WDR7: variants seen among roughly 807,000 people sequenced by gnomAD.
WDR7 encodes WD repeat-containing protein 7.
Under a neutral mutation model 169.4 loss-of-function variants are expected in WDR7, and 46 were observed. The observed-to-expected ratio is 0.27, with a 90% CI of 0.21 to 0.35. WDR7 has a LOEUF of 0.35. Ranked by LOEUF, WDR7 falls within the 10% of genes least tolerant of loss-of-function variation. The probability of loss-of-function intolerance (pLI) is 1.00; values close to 1 mark genes in which losing one functional copy is unlikely to be tolerated. For synonymous variants in WDR7, 612 were observed against 666.8 expected (o/e 0.92, Z 1.27); for missense variants, 1,534 against 1,859.3 (o/e 0.83, Z 3.22).
intron 20 of WDR7, among the ~76,000 whole-genome samples, chr18:56,830,950 A>G (rs1055263814): frequency 6.6e-6 from 1 of 152,072 alleles, no homozygotes; most frequent in Non-Finnish European, 1.5e-5. Flanking sequence ...CCTCTAGCAC[A>G]CTTTTTACTG....
chr18:56,969,807 A>T (rs567684577), intron 26 of WDR7, among the ~76,000 whole-genome samples: 1 of 152,262 alleles, frequency 6.6e-6, no homozygotes, highest in South Asian at 2.1e-4. Context: ...TAATTATCTT[A>T]TTGCTGGTGT....
chr18:56,747,375 C>G (rs1360987831), intron 14 of WDR7, among the ~76,000 whole-genome samples: 1 of 152,176 alleles, frequency 6.6e-6, no homozygotes, highest in Non-Finnish European at 1.5e-5. Context: ...AAACATTCAT[C>G]ACAATAGTTG....
chr18:56,937,247 C>G (rs985582937), intron 23 of WDR7, among the ~76,000 whole-genome samples: 3 of 152,078 alleles, frequency 2.0e-5, no homozygotes, highest in African/African-American at 7.2e-5. Context: ...AAGTTTTCAG[C>G]CTGGTACTGT....
intron 12 of WDR7, among the ~76,000 whole-genome samples, chr18:56,700,815 C>T (rs1226444296): frequency 6.6e-6 from 1 of 151,882 alleles, no homozygotes; most frequent in Non-Finnish European, 1.5e-5. Flanking sequence ...GTGATCCGCC[C>T]GCCTCGGCCT....
intron 13 of WDR7, among the ~76,000 whole-genome samples, chr18:56,728,826 A>G (rs1568161833): frequency 6.6e-6 from 1 of 151,986 alleles, no homozygotes; most frequent in African/African-American, 2.4e-5. Flanking sequence ...CTGGGGCTAA[A>G]CCCTGTGCCA....
At chr18:56,900,082 G>A (rs1370217) in intron 21 of WDR7, among the ~76,000 whole-genome samples, 3,390 of 31,464 alleles carry the variant, frequency 0.11, 68 homozygotes, top group East Asian at 0.19. Context: ...GTGTGTGTGT[G>A]TATATATATA....
chr18:56,768,357 T>C (rs1317922327), intron 16 of WDR7, among the ~76,000 whole-genome samples: 1 of 152,238 alleles, frequency 6.6e-6, no homozygotes, highest in Non-Finnish European at 1.5e-5. Context: ...CAGTTCCTAC[T>C]GAGAGAGAGC....
chr18:56,712,747 G>A (rs1310409194), intron 12 of WDR7, among the ~76,000 whole-genome samples: 1 of 152,158 alleles, frequency 6.6e-6, no homozygotes, highest in African/African-American at 2.4e-5. Context: ...AATTTTTAAG[G>A]GGAATTTTAT....
intron 20 of WDR7, among the ~76,000 whole-genome samples, chr18:56,851,356 C>G (rs1431496840): frequency 2.0e-5 from 3 of 152,134 alleles, no homozygotes; most frequent in Admixed American, 2.0e-4. Context: ...TATCACCCAA[C>G]TATCTCCTAC....
intron 5 of WDR7, among the ~76,000 whole-genome samples, chr18:56,685,622 C>T (rs2025428342): frequency 6.6e-6 from 1 of 152,082 alleles, no homozygotes; most frequent in Non-Finnish European, 1.5e-5. Flanking sequence ...TGAGCTCATC[C>T]ATGATAAAGA....
chr18:56,798,204 A>G (rs989414731), intron 19 of WDR7, among the ~76,000 whole-genome samples: 12 of 152,306 alleles, frequency 7.9e-5, no homozygotes, highest in African/African-American at 2.6e-4. Context: ...AAGCACATCA[A>G]TCTGCTTTGG....
At position 56,919,084 on chromosome 18, in the gene WDR7, A is replaced by G. The variant is rs973465090; in HGVS notation, c.3527-4838A>G. Among the ~76,000 whole-genome samples the G allele has an allele frequency of 7.2e-5, 11 of 152,342 alleles. No homozygotes were observed. The East Asian group carries it at 2.1e-3, about 29-fold the overall frequency. The stretch of plus-strand genomic sequence containing the variant: ...GGAAAAATTTCATTCTAACATAAGC[A>G]GGGAAGATGCAGTAGAAATTGGTAG... On this transcript the variant is annotated intron_variant, in intron 21 of 27. Coordinates refer to ENST00000254442, the MANE Select transcript of WDR7 (RefSeq NM_015285.3).
At chr18:56,708,924 G>A (rs1174161273) in intron 12 of WDR7, among the ~76,000 whole-genome samples, 1 of 152,050 alleles carries the variant, frequency 6.6e-6, no homozygotes, top group Non-Finnish European at 1.5e-5. Flanking sequence ...GCAACAGAAC[G>A]AGACTCTGTC....
At chr18:56,998,606 G>A (rs2047931854) in intron 26 of WDR7, among the ~76,000 whole-genome samples, 1 of 152,166 alleles carries the variant, frequency 6.6e-6, no homozygotes, top group Non-Finnish European at 1.5e-5. Context: ...TAAGGAATAT[G>A]AGCTGAAGCT....
At chr18:56,725,577 C>A (rs553263128) in intron 13 of WDR7, among the ~76,000 whole-genome samples, 1 of 152,234 alleles carries the variant, frequency 6.6e-6, no homozygotes, top group African/African-American at 2.4e-5. Flanking sequence ...GAGTAGATTG[C>A]AAAAATTTTC....
At chr18:57,018,502 G>A (rs1483028179) in intron 26 of WDR7, among the ~76,000 whole-genome samples, 1 of 152,204 alleles carries the variant, frequency 6.6e-6, no homozygotes, top group African/African-American at 2.4e-5. Context: ...AGGCTGAAGT[G>A]CTCACCACCA....
intron 16 of WDR7, among the ~76,000 whole-genome samples, chr18:56,776,536 C>G (rs1489874699): frequency 1.3e-5 from 2 of 152,050 alleles, no homozygotes; most frequent in African/African-American, 2.4e-5. Context: ...TCAATACATT[C>G]ATCAGAATAT....
chr18:56,968,757 A>G (rs572328389), intron 26 of WDR7, among the ~76,000 whole-genome samples: 58 of 152,258 alleles, frequency 3.8e-4, no homozygotes, highest in Admixed American at 3.3e-4. Context: ...CACTGAAACC[A>G]CACACATCCT....
intron 20 of WDR7, among the ~76,000 whole-genome samples, chr18:56,833,140 A>G (rs528524390): frequency 4.6e-5 from 7 of 152,108 alleles, no homozygotes; most frequent in African/African-American, 1.7e-4. Context: ...AGAGAAGAAC[A>G]TAAACGACCT....
Sources: gnomAD v4.1 joint callset for allele counts (sites outside exome capture counted in the v4.1 genomes callset) on GRCh38, gnomAD v4.1.1 for gene constraint, MANE v1.5 for transcripts, NCBI Gene and HGNC (gene_info 2026-07-23, HGNC 2026-07-21) for gene names.